The following BCL7B variants were observed in gnomAD, a reference collection of about 807,000 sequenced individuals.
BCL7B encodes the protein B-cell CLL/lymphoma 7 protein family member B.
Under a neutral mutation model 26.5 loss-of-function variants are expected in BCL7B, and 11 were observed. The ratio of observed to expected loss-of-function variants is 0.42; its 90% CI spans 0.26 to 0.69. BCL7B has a LOEUF of 0.69. Among genes scored for constraint, BCL7B ranks in the 30% least tolerant of loss-of-function variants. BCL7B has a pLI of 0.28. For missense variants in BCL7B, 215 were observed against 264.4 expected, an observed-to-expected ratio of 0.81 and a Z score of 1.30; for synonymous variants, 111 against 107.9, an observed-to-expected ratio of 1.03 and a Z score of -0.18.
chr7:73,542,268 A>G (rs978198609), intron 3 of BCL7B, among the ~76,000 whole-genome samples: 7 of 152,204 alleles, frequency 4.6e-5, no homozygotes, highest in African/African-American at 1.7e-4. Context: ...GGAGCCTCAT[A>G]TGTCTCCCAG....
intron 1 of BCL7B, among the ~76,000 whole-genome samples, chr7:73,553,952 G>A (rs1193099538): frequency 2.6e-5 from 4 of 151,308 alleles, no homozygotes; most frequent in Non-Finnish European, 5.9e-5. Flanking sequence ...ATGTGTGGAG[G>A]AGATAGAACA....
At chr7:73,541,759 GCCCAGCCATA>G (rs1791779790) in intron 3 of BCL7B, among the ~76,000 whole-genome samples, 1 of 152,096 alleles carries the variant, frequency 6.6e-6, no homozygotes, top group African/African-American at 2.4e-5. Flanking sequence ...GAGCCACCAC[GCCCAGCCATA>G]CCCAGTACTT....
intron 4 of BCL7B, 46 bp from the exon 5 acceptor site, chr7:73,538,059 C>T: frequency 7.4e-7 from 1 of 1,351,668 alleles, no homozygotes; most frequent in Non-Finnish European, 1.0e-6. Flanking sequence ...TCCCCTGAGG[C>T]CTGGACCTGG....
chr7:73,557,209 A>T, intron 1 of BCL7B: 2 of 1,051,210 alleles, frequency 1.9e-6, no homozygotes, highest in Non-Finnish European at 2.3e-6. Flanking sequence ...GACGCCAGGC[A>T]GCTCCAGTCC....
chr7:73,556,200 T>C (rs1207187832), intron 1 of BCL7B, among the ~76,000 whole-genome samples: 2 of 152,082 alleles, frequency 1.3e-5, no homozygotes, highest in Non-Finnish European at 2.9e-5. Flanking sequence ...CCCTCAGACA[T>C]AAAAAAGAGA....
chr7:73,543,418 T>C (rs1355155462), intron 3 of BCL7B, 130 bp downstream of exon 3: 4 of 779,612 alleles, frequency 5.1e-6, no homozygotes, highest in Non-Finnish European at 6.5e-6. Flanking sequence ...CCTCAGGTGA[T>C]CTGCCCGCCT....
intron 4 of BCL7B, 156 bp downstream of exon 4, chr7:73,539,726 G>A: frequency 1.2e-6 from 1 of 854,414 alleles, no homozygotes; most frequent in African/African-American, 1.7e-5. Flanking sequence ...CTCTGTGAAA[G>A]GGGAAACTAT....
At chr7:73,553,977 T>A (rs1390222322) in intron 1 of BCL7B, among the ~76,000 whole-genome samples, 13 of 151,094 alleles carry the variant, frequency 8.6e-5, no homozygotes, top group Admixed American at 8.6e-4. Context: ...AGACTTTTTT[T>A]TTTTTTTTTT....
At chr7:73,554,868 TAA>T (rs1433706155) in intron 1 of BCL7B, among the ~76,000 whole-genome samples, 1 of 151,702 alleles carries the variant, frequency 6.6e-6, no homozygotes, top group African/African-American at 2.4e-5. Flanking sequence ...AGGAGCGAAT[TAA>T]AGTCTTAGAA....
At chr7:73,540,254 T>G (rs1554582680) in intron 3 of BCL7B, 2 of 582,532 alleles carry the variant, frequency 3.4e-6, no homozygotes, top group African/African-American at 3.7e-5. Flanking sequence ...ACATTACACT[T>G]TAGGAAGGTC....
Position 73,537,214 on chromosome 7 carries a change from G to C in BCL7B, c.*84C>G, listed in dbSNP as rs1791566174. On this transcript the variant is annotated 3_prime_UTR_variant, in exon 6 of 6. Coordinates refer to ENST00000223368, the MANE Select transcript of BCL7B (RefSeq NM_001707.4). ...GTGCAGGCTCTTGACCCCAGTGCTT[G>C]CCCTTACCCCAGCAACGCGGCGCGG... 7.2e-7 allele frequency: 1 copy of C among 1,379,782 alleles called. No individual in the cohort carries two copies. The highest frequency in any genetic ancestry group is 1.4e-5 in the African/African-American group (1 of 70,686). 85.5% of individuals were successfully genotyped at this position (1,379,782 alleles called of 1,614,324 possible).
At chr7:73,548,610 G>A (rs1272734037) in intron 2 of BCL7B, among the ~76,000 whole-genome samples, 2 of 151,426 alleles carry the variant, frequency 1.3e-5, no homozygotes, top group African/African-American at 4.9e-5. Flanking sequence ...GATTGAAACC[G>A]TGTCTTACAA....
In BCL7B at chr7:73,539,803, T is replaced by C. The variant is rs1363928411; in HGVS notation, c.436+79A>G. 9.1e-6 allele frequency: 14 copies of C among 1,541,394 alleles called. No individual in the cohort carries two copies. The African/African-American group carries it at 1.5e-4, about 17-fold the overall frequency. On this transcript the variant is annotated intron_variant, in intron 4 of 5. Transcript: ENST00000223368. ...GCTCTGAGGTGCTCTCTCGAGCCTG[T>C]TACTCTAAAGACGAGACACAACAAG...
intron 2 of BCL7B, 68 bp from the exon 3 acceptor site, chr7:73,543,712 CTA>C (rs1791856472): frequency 1.6e-6 from 2 of 1,234,332 alleles, no homozygotes; most frequent in South Asian, 2.4e-5. Context: ...GAGGAGGGTG[CTA>C]TGTGACAGAC....
chr7:73,550,642 T>G (rs1407277317), intron 2 of BCL7B, among the ~76,000 whole-genome samples: 1 of 23,024 alleles, frequency 4.3e-5, no homozygotes, highest in Admixed American at 4.8e-4. Flanking sequence ...TATTTTTTTT[T>G]TGTTTTTTTT....
chr7:73,543,515 CT>C, intron 3 of BCL7B, 32 bp downstream of exon 3: 2 of 1,589,306 alleles, frequency 1.3e-6, no homozygotes, highest in Non-Finnish European at 1.7e-6. Flanking sequence ...AGTTTTCATT[CT>C]CCTGCAAGGA....
chr7:73,551,196 G>A (rs1283613195), intron 2 of BCL7B, among the ~76,000 whole-genome samples: 1 of 152,172 alleles, frequency 6.6e-6, no homozygotes. Context: ...TAGGTTTTAC[G>A]GGCCATTTGG....
chr7:73,552,127 A>G, intron 2 of BCL7B, 40 bp downstream of exon 2: 1 of 1,527,608 alleles, frequency 6.5e-7, no homozygotes, highest in Non-Finnish European at 8.9e-7. Flanking sequence ...AAATAAAGAA[A>G]TAAAGAAAAT....
chr7:73,537,757 G>A (rs993439531), intron 5 of BCL7B, among the ~76,000 whole-genome samples, 177 bp downstream of exon 5: 1 of 152,048 alleles, frequency 6.6e-6, no homozygotes, highest in Non-Finnish European at 1.5e-5. Context: ...GTGTGGTAGT[G>A]GGCGCCTGTA....
Sources: gnomAD v4.1 joint callset for allele counts (sites outside exome capture counted in the v4.1 genomes callset) on GRCh38, gnomAD v4.1.1 for gene constraint, MANE v1.5 for transcripts, NCBI Gene and HGNC (gene_info 2026-07-23, HGNC 2026-07-21) for gene names.